The following AGBL1 variants were observed in gnomAD, a reference collection of about 807,000 sequenced individuals.
AGBL1 encodes AGBL carboxypeptidase 1, also known as cytosolic carboxypeptidase 4.
A neutral mutation model predicts 118.9 loss-of-function variants in AGBL1; 130 were observed. The observed-to-expected ratio is 1.09, with a 90% CI of 0.95 to 1.26. The LOEUF (loss-of-function observed/expected upper bound fraction) is 1.26, where lower values mean the gene tolerates loss of function less well. AGBL1 is among the 50% of genes most tolerant of loss of function. AGBL1 has a pLI of 0.00. For synonymous variants in AGBL1, 555 were observed against 478.9 expected (o/e 1.16, Z -2.08); for missense variants, 1,584 against 1,298.1 (o/e 1.22, Z -3.38).
chr15:86,888,678 C>T (rs2080007079), intron 22 of AGBL1, among the ~76,000 whole-genome samples: 1 of 152,090 alleles, frequency 6.6e-6, no homozygotes, highest in Non-Finnish European at 1.5e-5. Context: ...CCATCTGTTG[C>T]CTTACCCTTC....
At chr15:87,030,985 G>C (rs1201784767), downstream of AGBL1, among the ~76,000 whole-genome samples, 3 of 151,960 alleles carry the variant, frequency 2.0e-5, no homozygotes, top group Admixed American at 2.0e-4. Flanking sequence ...CTTCAGAGAA[G>C]AGTGACATCG....
intron 21 of AGBL1, among the ~76,000 whole-genome samples, chr15:86,618,028 A>G (rs1441000268): frequency 6.6e-6 from 1 of 152,152 alleles, no homozygotes; most frequent in Non-Finnish European, 1.5e-5. Flanking sequence ...CCACTATATT[A>G]TACTTCTGCC....
chr15:86,155,554 A>G (rs1000713397), intron 4 of AGBL1, among the ~76,000 whole-genome samples: 3 of 152,236 alleles, frequency 2.0e-5, no homozygotes, highest in Non-Finnish European at 2.9e-5. Context: ...TTCCATATGG[A>G]AACTTTTTAT....
At chr15:86,625,691 G>A (rs572891198) in intron 21 of AGBL1, among the ~76,000 whole-genome samples, 1 of 152,088 alleles carries the variant, frequency 6.6e-6, no homozygotes, top group Non-Finnish European at 1.5e-5. Context: ...AATGGGTCAA[G>A]AATGGCAGGT....
At chr15:86,310,167 G>A (rs1284700309) in intron 17 of AGBL1, among the ~76,000 whole-genome samples, 1 of 152,090 alleles carries the variant, frequency 6.6e-6, no homozygotes, top group East Asian at 1.9e-4. Context: ...GTAGGTTTAT[G>A]TTTCTAGGAA....
Position 86,628,704 on chromosome 15 carries a change from G to A in AGBL1, c.2995-45569G>A, listed in dbSNP as rs906281897. 1.3e-5 allele frequency among the ~76,000 whole-genome samples: 2 copies of A among 152,078 alleles called. 1 individual carries two copies. The highest frequency in any genetic ancestry group is 2.9e-5 in the Non-Finnish European group (2 of 68,008). On this transcript the variant is annotated intron_variant, in intron 21 of 22. Transcript: ENST00000614907. ...CCAGCTACTTGGGAGGCTGAGGCAG[G>A]AGAATGGCATGAACCCGGGAGGCGG...
chr15:86,764,061 C>T (rs917017285), intron 22 of AGBL1, among the ~76,000 whole-genome samples: 1 of 151,794 alleles, frequency 6.6e-6, no homozygotes, highest in Non-Finnish European at 1.5e-5. Flanking sequence ...AGTGAAAGAA[C>T]TTTTCTAATG....
At chr15:86,594,166 C>A (rs1020479696) in intron 21 of AGBL1, among the ~76,000 whole-genome samples, 4 of 152,120 alleles carry the variant, frequency 2.6e-5, no homozygotes, top group Admixed American at 6.5e-5. Context: ...CCACCTAGGC[C>A]TCCCAAAGTT....
At chr15:86,716,757 C>G (rs192022065) in intron 22 of AGBL1, among the ~76,000 whole-genome samples, 1 of 152,218 alleles carries the variant, frequency 6.6e-6, no homozygotes, top group East Asian at 1.9e-4. Flanking sequence ...ATGCATAAAC[C>G]AAATTTATTT....
chr15:86,117,688 T>G (rs2141566856), intron 1 of AGBL1, among the ~76,000 whole-genome samples: 1 of 152,306 alleles, frequency 6.6e-6, no homozygotes, highest in African/African-American at 2.4e-5. Context: ...TAATCAAAAG[T>G]TTCCCTCCTG....
At chr15:86,193,491 AC>A in intron 5 of AGBL1, among the ~76,000 whole-genome samples, 1 of 152,062 alleles carries the variant, frequency 6.6e-6, no homozygotes, top group East Asian at 1.9e-4. Context: ...TCTGATTTTG[AC>A]CCCGCAGCCC....
chr15:86,197,732 C>T (rs1448201252), intron 5 of AGBL1, among the ~76,000 whole-genome samples: 2 of 152,076 alleles, frequency 1.3e-5, no homozygotes, highest in East Asian at 3.8e-4. Flanking sequence ...AAGAGTATGG[C>T]TGGACTATTA....
chr15:86,207,755 C>T (rs569018205), intron 5 of AGBL1, among the ~76,000 whole-genome samples: 27 of 152,166 alleles, frequency 1.8e-4, no homozygotes, highest in Non-Finnish European at 3.4e-4. Context: ...GTGTCATCTG[C>T]AAACAGGGAA....
At chr15:86,534,715 G>C (rs1232227967) in intron 19 of AGBL1, among the ~76,000 whole-genome samples, 1 of 152,114 alleles carries the variant, frequency 6.6e-6, no homozygotes, top group Non-Finnish European at 1.5e-5. Context: ...ACCAAAAAAT[G>C]AACTATGATA....
At chr15:86,197,448 G>A (rs779171873) in intron 5 of AGBL1, among the ~76,000 whole-genome samples, 18 of 152,220 alleles carry the variant, frequency 1.2e-4, no homozygotes, top group Non-Finnish European at 2.1e-4. Context: ...AAAAGCCATC[G>A]TTGTTATGAA....
rs553835996 is a variant in AGBL1 at position 86,687,033 on chromosome 15, A to G, written c.3158+12597A>G. Among the ~76,000 whole-genome samples the G allele has an allele frequency of 8.5e-5, 13 of 152,234 alleles. No individual in the cohort carries two copies. The South Asian group carries it at 2.7e-3, about 32-fold the overall frequency. On this transcript the variant is annotated intron_variant, in intron 22 of 22. Coordinates refer to ENST00000614907, the MANE Select transcript of AGBL1 (RefSeq NM_001386094.1). ...TAAAATCATTCATCTCTGGTTTCTA[A>G]CTTATCCTTGCACCGGTCAGGGTTT...
At chr15:86,553,488 G>C (rs563662398) in intron 20 of AGBL1, among the ~76,000 whole-genome samples, 1 of 152,142 alleles carries the variant, frequency 6.6e-6, no homozygotes, top group Non-Finnish European at 1.5e-5. Flanking sequence ...TATTGATCAA[G>C]CCTCAGATTT....
rs4362360 is a variant in AGBL1 at position 86,397,391 on chromosome 15, T to C, written c.2400T>C (p.Thr800=). 0.52 allele frequency: 839,295 copies of C among 1,607,626 alleles called. 233,600 individuals are homozygous for C. Among genetic ancestry groups the C allele is most frequent in the African/African-American group, 0.91 (68,418 of 74,876 alleles). ...GACATCGTCCATATCAGGTGATCACTGCTCGAGTTCATCCAGGAGAGAGCA... is the reference window on the plus strand; with the variant it reads ...GACATCGTCCATATCAGGTGATCACCGCTCGAGTTCATCCAGGAGAGAGCA... The part of the protein sequence containing the change: ...QFRHRPYQVI[T]ARVHPGESNA... The change falls in exon 18 of 23, where the codon ACT becomes ACC. Residue 800 remains threonine (T), a synonymous_variant. Transcript: ENST00000614907.
chr15:86,909,475 T>C lies in AGBL1; in HGVS notation c.*2181T>C, dbSNP rs796772702. 2.0e-5 allele frequency: 3 copies of C among 152,290 alleles called. No homozygotes were observed. Among genetic ancestry groups the C allele is most frequent in the Admixed American group, 6.5e-5 (1 of 15,288 alleles). The allele number at this position is 152,290 out of a possible 1,614,324, so 9.4% of individuals were successfully genotyped here. ...GGCATCTGTGTTGTGATTTTGGGAG[T>C]TGATAACATTATTAATAGTCTCTTA... is the stretch of plus-strand genomic sequence containing the variant. On this transcript the variant is annotated 3_prime_UTR_variant, in exon 23 of 23. Coordinates refer to ENST00000614907, the MANE Select transcript of AGBL1 (RefSeq NM_001386094.1).
Sources: gnomAD v4.1 joint callset for allele counts (sites outside exome capture counted in the v4.1 genomes callset) on GRCh38, gnomAD v4.1.1 for gene constraint, MANE v1.5 for transcripts, NCBI Gene and HGNC (gene_info 2026-07-23, HGNC 2026-07-21) for gene names.